The following DDX39A variants were observed in gnomAD, a reference collection of about 807,000 sequenced individuals.
DDX39A encodes ATP-dependent RNA helicase DDX39A.
DDX39A carries 13 observed loss-of-function variants against 46.3 expected under a neutral mutation model. That is an observed-to-expected ratio of 0.28 (90% CI 0.18 to 0.45). DDX39A has a LOEUF of 0.45. Ranked by LOEUF, DDX39A falls within the 20% of genes least tolerant of loss-of-function variation. DDX39A has a pLI of 1.00. For synonymous variants in DDX39A, 234 were observed against 224.6 expected, an observed-to-expected ratio of 1.04 and a Z score of -0.38; for missense variants, 352 against 581.8, an observed-to-expected ratio of 0.61 and a Z score of 4.06.
rs1046505824 is a variant in DDX39A at position 14,411,373 on chromosome 19, A to G, written c.429+133T>C. On this transcript the variant is annotated intron_variant, in intron 4 of 10. Coordinates refer to ENST00000242776, the MANE Select transcript of DDX39A (RefSeq NM_005804.4). The surrounding 1 kb of genome is among the most constrained non-coding windows in gnomAD (Gnocchi z 4.1). ...TGCATAATTCATCAGGCTTTTAAGG[A>G]GCAAAAACCACCGCAAACCTCAAAG... 5.2e-5 allele frequency: 54 copies of G among 1,045,964 alleles called. No individual in the cohort carries two copies. The highest frequency in any genetic ancestry group is 7.4e-5 in the Non-Finnish European group (52 of 705,204). The allele number at this position is 1,045,964 out of a possible 1,614,324, so 64.8% of individuals were successfully genotyped here. A position where few individuals can be genotyped will look rare whatever the true frequency, so the allele number is the denominator to read the frequency against.
At position 14,411,722 on chromosome 19, in the gene DDX39A, G is replaced by A. The variant is rs1197198182; in HGVS notation, c.337-124C>T. The stretch of plus-strand genomic sequence containing the variant: ...AACATCACAGGCCATTTGAAGGCCC[G>A]GTCCAAATGCCTCCCACTTCTCACG... On this transcript the variant is annotated intron_variant, in intron 3 of 10. Transcript: ENST00000242776. The surrounding 1 kb of genome is among the most constrained non-coding windows in gnomAD (Gnocchi z 4.1). 13 of 788,140 alleles carry A rather than the reference G, an allele frequency of 1.6e-5. No individual in the cohort carries two copies. The highest frequency in any genetic ancestry group is 1.1e-4 in the East Asian group (4 of 37,006). The allele number at this position is 788,140 out of a possible 1,614,324, so 48.8% of individuals were successfully genotyped here.
chr19:14,414,053 C>A (rs1379652660), intron 1 of DDX39A: 1 of 152,138 alleles, frequency 6.6e-6, no homozygotes, highest in Non-Finnish European at 1.5e-5. Context: ...GGACAATTGT[C>A]TTTCGTCCTC....
rs1976501039 is a variant in DDX39A, at chr19:14,409,979, G to A, written c.733-106C>T. ...CTCCTTTGTGCGACACTTCCCAGAG[G>A]ACCTGCTGCACCAGACCTCAGTAAA... is the stretch of plus-strand genomic sequence containing the variant. On this transcript the variant is annotated intron_variant, in intron 6 of 10. Coordinates refer to ENST00000242776, the MANE Select transcript of DDX39A (RefSeq NM_005804.4). The surrounding 1 kb of genome is among the most constrained non-coding windows in gnomAD (Gnocchi z 8.3). The A allele has an allele frequency of 7.1e-7, 1 of 1,414,240 alleles. No individual in the cohort carries two copies. Among genetic ancestry groups the A allele is most frequent in the African/African-American group, 1.4e-5 (1 of 71,168 alleles). The allele number at this position is 1,414,240 out of a possible 1,614,324, so 87.6% of individuals were successfully genotyped here.
rs1253881848 is a variant in DDX39A, at chr19:14,411,530, A to G, written c.405T>C (p.Phe135=). The G allele has an allele frequency of 3.7e-6, 6 of 1,614,156 alleles. No individual in the cohort carries two copies. Among genetic ancestry groups the G allele is most frequent in the Non-Finnish European group, 5.1e-6 (6 of 1,179,998 alleles). Residue 135 remains phenylalanine (F), a synonymous_variant, in exon 4 of 11, where the codon TTT becomes TTC. Coordinates refer to ENST00000242776, the MANE Select transcript of DDX39A (RefSeq NM_005804.4). This position sits in a 1 kb window ranked among gnomAD's most constrained non-coding sequence, Gnocchi z 4.1. ...CCTTGACGCTGGGCATGTACTTGGA[A>G]AAGCGCTCATATTCCTTGCTGATCT... The part of the protein sequence containing the change: ...AFQISKEYER[F]SKYMPSVKVS...
Position 14,413,176 on chromosome 19 carries a change from T to C in DDX39A, c.45A>G (p.Glu15=), listed in dbSNP as rs112820981. 3,117 of 1,614,030 alleles carry C rather than the reference T, an allele frequency of 1.9e-3. 56 individuals are homozygous for C. The African/African-American group carries it at 0.035, about 18-fold the overall frequency. The change falls in exon 2 of 11, where the codon GAA becomes GAG. Residue 15 remains glutamate, a synonymous_variant. Transcript: ENST00000242776. ...CTTGAGGAGCCTGGGGCTCTTCCTCTTCATCGTAATCCAAAAGATCGTTTT... is the reference window on the plus strand; with the variant it reads ...CTTGAGGAGCCTGGGGCTCTTCCTCCTCATCGTAATCCAAAAGATCGTTTT... ...DVENDLLDYD[E]EEEPQAPQES... is the part of the protein sequence containing the mutation.
Position 14,410,500 on chromosome 19 carries a change from G to T in DDX39A, c.614-166C>A. On this transcript the variant is annotated intron_variant, in intron 5 of 10. Transcript: ENST00000242776. The surrounding 1 kb of genome is among the most constrained non-coding windows in gnomAD (Gnocchi z 4.3). The stretch of plus-strand genomic sequence containing the variant: ...GCCAGTCCTGGTGCCTGAGGGGCTG[G>T]GGGGTGGCCAGCGAGCGCAGGCGCG... 3 of 649,090 alleles carry T rather than the reference G, an allele frequency of 4.6e-6. No homozygotes were observed. Among genetic ancestry groups the T allele is most frequent in the South Asian group, 1.7e-5 (1 of 58,462 alleles). 40.2% of individuals were successfully genotyped at this position (649,090 alleles called of 1,614,324 possible). A position where few individuals can be genotyped will look rare whatever the true frequency, so the allele number is the denominator to read the frequency against.
intron 1 of DDX39A, among the ~76,000 whole-genome samples, chr19:14,418,264 G>C (rs1366979274): frequency 6.6e-6 from 1 of 152,040 alleles, no homozygotes; most frequent in East Asian, 1.9e-4. Context: ...GATCCGGCGG[G>C]GTTTTCCCCG....
rs948938859 is a variant in DDX39A at position 14,418,406 on chromosome 19, C to T, written c.-5+864G>A. ...CAAGTGTCCCCAGGCAGGCTTTCCA[C>T]CCCGGAGTTTATTCCCACCTGGGGA... On this transcript the variant is annotated intron_variant, in intron 1 of 10. Transcript: ENST00000242776. Among the ~76,000 whole-genome samples, 34 of 152,294 alleles carry T rather than the reference C, an allele frequency of 2.2e-4. 1 individual carries two copies. The East Asian group carries it at 4.1e-3, about 18-fold the overall frequency.
Position 14,412,750 on chromosome 19 carries a change from G to A in DDX39A, c.209-72C>T, listed in dbSNP as rs748154905. On this transcript the variant is annotated intron_variant, in intron 2 of 10. Transcript: ENST00000242776. This position sits in a 1 kb window ranked among gnomAD's most constrained non-coding sequence, Gnocchi z 4.4. ...CGTGCAGGATCCTCACCAGTTGACC[G>A]GGGGCCCACAGTGAGGGCAATCAGA... The A allele has an allele frequency of 1.4e-5, 21 of 1,535,782 alleles. No individual in the cohort carries two copies. Among genetic ancestry groups the A allele is most frequent in the Middle Eastern group, 1.7e-4 (1 of 5,776 alleles).
Position 14,412,796 on chromosome 19 carries a change from G to A in DDX39A, c.209-118C>T, listed in dbSNP as rs1262918585. ...TCAGAAGAGGCCGAGTCCGGACAAG[G>A]CCACAGACACCTGCAGGGCTGGGGT... On this transcript the variant is annotated intron_variant, in intron 2 of 10. Transcript: ENST00000242776. This position sits in a 1 kb window ranked among gnomAD's most constrained non-coding sequence, Gnocchi z 4.4. 1.4e-5 allele frequency: 20 copies of A among 1,415,118 alleles called. No homozygotes were observed. The highest frequency in any genetic ancestry group is 2.9e-5 in the African/African-American group (2 of 70,132). 87.7% of individuals were successfully genotyped at this position (1,415,118 alleles called of 1,614,324 possible).
rs1315391930 is a variant in DDX39A, at chr19:14,412,521, G to A, written c.336+30C>T. On this transcript the variant is annotated intron_variant, in intron 3 of 10. Coordinates refer to ENST00000242776, the MANE Select transcript of DDX39A (RefSeq NM_005804.4). This position sits in a 1 kb window ranked among gnomAD's most constrained non-coding sequence, Gnocchi z 4.4. Reference sequence around the variant, plus strand: ...CTCTACTTCCGCCGCCACAGGCAGGGTGGGGCCAGGAAGGGAGGAGCCCAC... The same window carrying A: ...CTCTACTTCCGCCGCCACAGGCAGGATGGGGCCAGGAAGGGAGGAGCCCAC... 1 of 1,597,732 alleles carries A rather than the reference G, an allele frequency of 6.3e-7. No homozygotes were observed. Among genetic ancestry groups the A allele is most frequent in the Non-Finnish European group, 8.5e-7 (1 of 1,176,344 alleles).
At chr19:14,415,644 C>T (rs915553294) in intron 1 of DDX39A, among the ~76,000 whole-genome samples, 3 of 151,898 alleles carry the variant, frequency 2.0e-5, no homozygotes, top group African/African-American at 2.4e-5. Flanking sequence ...CAACATACTA[C>T]ATTTTGCTTA....
Position 14,410,797 on chromosome 19 carries a change from G to A in DDX39A, c.613+192C>T. 2 of 567,322 alleles carry A rather than the reference G, an allele frequency of 3.5e-6. No homozygotes were observed. The highest frequency in any genetic ancestry group is 3.3e-5 in the Admixed American group (1 of 30,298). 35.1% of individuals were successfully genotyped at this position (567,322 alleles called of 1,614,324 possible). The stretch of plus-strand genomic sequence containing the variant: ...GTCCAGGAGGGACGGGGGCTTGCTT[G>A]GGCCCCGTGGTCCCATTCGGCTCGG... On this transcript the variant is annotated intron_variant, in intron 5 of 10. Transcript: ENST00000242776. This position sits in a 1 kb window ranked among gnomAD's most constrained non-coding sequence, Gnocchi z 4.3.
In DDX39A at chr19:14,412,404, C is replaced by A; in HGVS notation, c.336+147G>T. The stretch of plus-strand genomic sequence containing the variant: ...AGTGCAGTGGTGTGATCATAGCACA[C>A]TGCAGCCTCGACTTCCTGGGCTCAA... On this transcript the variant is annotated intron_variant, in intron 3 of 10. Coordinates refer to ENST00000242776, the MANE Select transcript of DDX39A (RefSeq NM_005804.4). This position sits in a 1 kb window ranked among gnomAD's most constrained non-coding sequence, Gnocchi z 4.4. The A allele has an allele frequency of 8.9e-7, 1 of 1,119,468 alleles. No homozygotes were observed. Among genetic ancestry groups the A allele is most frequent in the Non-Finnish European group, 1.3e-6 (1 of 790,150 alleles). The allele number at this position is 1,119,468 out of a possible 1,614,324, so 69.3% of individuals were successfully genotyped here. A position where few individuals can be genotyped will look rare whatever the true frequency, so the allele number is the denominator to read the frequency against.
rs541626203 is a variant in DDX39A, at chr19:14,412,938, C to A, written c.208+75G>T. 2 of 1,510,898 alleles carry A rather than the reference C, an allele frequency of 1.3e-6. No individual in the cohort carries two copies. Among genetic ancestry groups the A allele is most frequent in the East Asian group, 4.5e-5 (2 of 44,178 alleles). 93.6% of individuals were successfully genotyped at this position (1,510,898 alleles called of 1,614,324 possible). A position where few individuals can be genotyped will look rare whatever the true frequency, so the allele number is the denominator to read the frequency against. ...CTCACCCACGGCAAACTGGAGGCGG[C>A]ACCGCTCTGGGCGGGCAGGGCTGGT... On this transcript the variant is annotated intron_variant, in intron 2 of 10. Transcript: ENST00000242776. The surrounding 1 kb of genome is among the most constrained non-coding windows in gnomAD (Gnocchi z 4.4).
rs116185154 is a variant in DDX39A at position 14,410,801 on chromosome 19, C to T, written c.613+188G>A. 3.5e-6 allele frequency: 2 copies of T among 576,046 alleles called. No homozygotes were observed. Among genetic ancestry groups the T allele is most frequent in the South Asian group, 2.5e-5 (1 of 40,356 alleles). 35.7% of individuals were successfully genotyped at this position (576,046 alleles called of 1,614,324 possible). On this transcript the variant is annotated intron_variant, in intron 5 of 10. Transcript: ENST00000242776. The surrounding 1 kb of genome is among the most constrained non-coding windows in gnomAD (Gnocchi z 4.3). ...AGGAGGGACGGGGGCTTGCTTGGGC[C>T]CCGTGGTCCCATTCGGCTCGGGCTC...
rs1976506214 is a variant in DDX39A, at chr19:14,410,056, G to A, written c.732+160C>T. On this transcript the variant is annotated intron_variant, in intron 6 of 10. Coordinates refer to ENST00000242776, the MANE Select transcript of DDX39A (RefSeq NM_005804.4). This position sits in a 1 kb window ranked among gnomAD's most constrained non-coding sequence, Gnocchi z 4.3. ...CTGGCCCGACTCAGGTGTGGACCAA[G>A]CTTGACTCCCAGTTTGACAAGACCG... is the stretch of plus-strand genomic sequence containing the variant. 3.9e-6 allele frequency: 4 copies of A among 1,036,368 alleles called. No homozygotes were observed. The highest frequency in any genetic ancestry group is 5.9e-6 in the Non-Finnish European group (4 of 673,880). The allele number at this position is 1,036,368 out of a possible 1,614,324, so 64.2% of individuals were successfully genotyped here.
chr19:14,410,547 C>A lies in DDX39A; in HGVS notation c.614-213G>T. On this transcript the variant is annotated intron_variant, in intron 5 of 10. Transcript: ENST00000242776. The surrounding 1 kb of genome is among the most constrained non-coding windows in gnomAD (Gnocchi z 4.3). ...CGCGGGAGGAGCTGCAATCCACTTA[C>A]ACGCTGGCGCGGAGCAGCCGTGCCC... 1 of 581,994 alleles carries A rather than the reference C, an allele frequency of 1.7e-6. No individual in the cohort carries two copies. Among genetic ancestry groups the A allele is most frequent in the Non-Finnish European group, 3.1e-6 (1 of 323,300 alleles). 36.1% of individuals were successfully genotyped at this position (581,994 alleles called of 1,614,324 possible).
chr19:14,408,977 C>T, intron 10 of DDX39A, 25 bp from the exon 11 acceptor site: 1 of 1,610,652 alleles, frequency 6.2e-7, no homozygotes. Context: ...ATGCAGTGAA[C>T]TGAAGGGCCG....
Sources: gnomAD v4.1 joint callset for allele counts (sites outside exome capture counted in the v4.1 genomes callset) on GRCh38, gnomAD v4.1.1 for gene constraint, Gnocchi (gnomAD v3.1) non-coding constraint, MANE v1.5 for transcripts, NCBI Gene and HGNC (gene_info 2026-07-23, HGNC 2026-07-21) for gene names.